Variants in PDGFRL observed in about 807,000 individuals in gnomAD.
The protein encoded by PDGFRL is platelet-derived growth factor receptor-like protein.
Under a neutral mutation model 37.2 loss-of-function variants are expected in PDGFRL, and 46 were observed. The ratio of observed to expected loss-of-function variants is 1.24; its 90% CI spans 0.98 to 1.58. The LOEUF is 1.58. Among genes scored for constraint, PDGFRL ranks in the 40% most tolerant of loss-of-function variants. The probability of loss-of-function intolerance (pLI) is 0.00; values close to 1 mark genes in which losing one functional copy is unlikely to be tolerated. For missense variants in PDGFRL, 692 were observed against 467.6 expected (o/e 1.48, Z -4.43); for synonymous variants, 251 against 184.3 (o/e 1.36, Z -2.93).
At chr8:17,613,126 C>T (rs1804456127) in intron 2 of PDGFRL, among the ~76,000 whole-genome samples, 1 of 152,168 alleles carries the variant, frequency 6.6e-6, no homozygotes, top group Admixed American at 6.5e-5. Flanking sequence ...TTTACGATCA[C>T]TGTCATTGCG....
intron 5 of PDGFRL, among the ~76,000 whole-genome samples, chr8:17,637,223 A>G (rs977000504): frequency 6.6e-6 from 1 of 152,138 alleles, no homozygotes; most frequent in Non-Finnish European, 1.5e-5. Flanking sequence ...CCCATTCAGT[A>G]TAGACAGTTT....
intron 3 of PDGFRL, among the ~76,000 whole-genome samples, chr8:17,625,032 C>T (rs1264988905): frequency 6.6e-6 from 1 of 151,782 alleles, no homozygotes; most frequent in African/African-American, 2.4e-5. Context: ...GGTACATGTG[C>T]ACAATGTGCA....
intron 1 of PDGFRL, among the ~76,000 whole-genome samples, chr8:17,582,053 A>G (rs983839137): frequency 1.3e-4 from 20 of 152,164 alleles, no homozygotes; most frequent in Non-Finnish European, 4.4e-5. Context: ...TTGTGACTAA[A>G]CTGTTGATAG....
intron 5 of PDGFRL, among the ~76,000 whole-genome samples, chr8:17,641,856 T>G (rs1585342041): frequency 6.8e-6 from 1 of 146,936 alleles, no homozygotes; most frequent in East Asian, 2.0e-4. Context: ...ATCAAACGTG[T>G]TGGTCATACT....
intron 2 of PDGFRL, among the ~76,000 whole-genome samples, chr8:17,603,001 G>T (rs563723462): frequency 8.0e-4 from 121 of 152,074 alleles, no homozygotes; most frequent in African/African-American, 2.7e-3. Context: ...ATTTATTTTT[G>T]GAGACAGAGT....
Position 17,615,981 on chromosome 8 carries a change from G to A in PDGFRL, c.354-5070G>A, listed in dbSNP as rs542718001. Among the ~76,000 whole-genome samples, 72 of 152,228 alleles carry A rather than the reference G, an allele frequency of 4.7e-4. 1 individual carries two copies. The highest frequency in any genetic ancestry group is 8.5e-4 in the Admixed American group (13 of 15,290). On this transcript the variant is annotated intron_variant, in intron 2 of 5. Coordinates refer to ENST00000251630, the MANE Select transcript of PDGFRL (RefSeq NM_001372073.1). The stretch of plus-strand genomic sequence containing the variant: ...TGTTCTAAGTCCTGAACTTGTTTAC[G>A]GAGCTTGGCAGCGTGCCTGCACTCA...
At chr8:17,628,439 C>G (rs367843063) in intron 3 of PDGFRL, 48 bp from the exon 4 acceptor site, 8 of 1,506,200 alleles carry the variant, frequency 5.3e-6, no homozygotes, top group South Asian at 1.1e-5. Context: ...GGTGCTTTTA[C>G]TTTGCGTCTC....
chr8:17,623,004 AG>A (rs1231038591), intron 3 of PDGFRL, among the ~76,000 whole-genome samples: 1 of 152,200 alleles, frequency 6.6e-6, no homozygotes, highest in East Asian at 1.9e-4. Flanking sequence ...AGGTTCTCTA[AG>A]GACATTCCCG....
chr8:17,642,345 T>TTTAGA (rs199975719), intron 5 of PDGFRL, among the ~76,000 whole-genome samples: 3,216 of 152,280 alleles, frequency 0.021, 52 homozygotes, highest in Non-Finnish European at 0.033. Context: ...AAGCATACAT[T>TTTAGA]TTAGATTAAG....
chr8:17,594,886 C>T (rs966124217), intron 2 of PDGFRL, among the ~76,000 whole-genome samples: 1 of 152,212 alleles, frequency 6.6e-6, no homozygotes. Context: ...GGCATTTAGG[C>T]TCCTTCCACC....
At chr8:17,590,859 A>C (rs1187505968) in intron 2 of PDGFRL, among the ~76,000 whole-genome samples, 3 of 151,020 alleles carry the variant, frequency 2.0e-5, no homozygotes, top group Non-Finnish European at 4.4e-5. Flanking sequence ...CTACTTTTCA[A>C]CTGCTTCTCA....
chr8:17,586,028 T>G (rs1241007756), intron 1 of PDGFRL, among the ~76,000 whole-genome samples: 3 of 151,968 alleles, frequency 2.0e-5, no homozygotes, highest in African/African-American at 7.3e-5. Context: ...CTCAGCTCAC[T>G]GCAACCTCCG....
chr8:17,609,839 A>C (rs1164408140), intron 2 of PDGFRL, among the ~76,000 whole-genome samples: 1 of 151,988 alleles, frequency 6.6e-6, no homozygotes, highest in Non-Finnish European at 1.5e-5. Context: ...AACTCAAATC[A>C]AGCCATATTC....
At position 17,634,172 on chromosome 8, in the gene PDGFRL, G is replaced by A. The variant is rs372087697; in HGVS notation, c.898G>A (p.Asp300Asn). The A allele has an allele frequency of 3.0e-5, 49 of 1,613,224 alleles. 1 individual carries two copies. The highest frequency in any genetic ancestry group is 1.8e-4 in the South Asian group (16 of 91,030). The change falls in exon 5 of 6, where the codon GAT becomes AAT. Residue 300 changes from aspartate (D) to asparagine (N), a missense_variant. By Grantham distance (23) the Asp-to-Asn change is conservative. Coordinates refer to ENST00000251630, the MANE Select transcript of PDGFRL (RefSeq NM_001372073.1). ...SVLCTVLGEP[D>N]VEVEFTWIFP... is the part of the protein sequence containing the mutation. Reference sequence around the variant, plus strand: ...GCTCTGCACTGTCCTGGGGGAGCCCGATGTGGAGGTGGAGTTCACCTGGAT... The same window carrying A: ...GCTCTGCACTGTCCTGGGGGAGCCCAATGTGGAGGTGGAGTTCACCTGGAT...
rs138926704 is a variant in PDGFRL at position 17,634,214 on chromosome 8, G to T, written c.939+1G>T. The T allele has an allele frequency of 5.0e-4, 808 of 1,608,682 alleles. No homozygotes were observed. Among genetic ancestry groups the T allele is most frequent in the Non-Finnish European group, 6.3e-4 (743 of 1,176,638 alleles). On this transcript the variant is annotated splice_donor_variant, in intron 5 of 5. Transcript: ENST00000251630. LOFTEE classifies it high-confidence loss of function. ...CACCTGGATCTTCCCAGGGCAGAAG[G>T]TAAGTGTTGTACCTGCATCTCAGCC...
intron 3 of PDGFRL, among the ~76,000 whole-genome samples, chr8:17,625,375 C>G (rs548402999): frequency 1.3e-5 from 2 of 152,214 alleles, no homozygotes; most frequent in African/African-American, 4.8e-5. Flanking sequence ...GGGTCTCGGT[C>G]TCCTGACCTC....
intron 2 of PDGFRL, among the ~76,000 whole-genome samples, chr8:17,593,294 T>C (rs1803982114): frequency 6.6e-6 from 1 of 152,066 alleles, no homozygotes; most frequent in African/African-American, 2.4e-5. Context: ...AGGTTTATCC[T>C]CTTAATGATT....
intron 2 of PDGFRL, among the ~76,000 whole-genome samples, chr8:17,611,887 C>A (rs1184140505): frequency 1.3e-5 from 2 of 152,052 alleles, no homozygotes; most frequent in African/African-American, 4.8e-5. Context: ...TGATAGCAGC[C>A]TGGGTGACAG....
At chr8:17,641,898 C>CCCCCCCCCCCCCCCCCCCCT (rs1563534531) in intron 5 of PDGFRL, among the ~76,000 whole-genome samples, 1 of 129,862 alleles carries the variant, frequency 7.7e-6, no homozygotes, top group African/African-American at 3.2e-5. Context: ...AATAGAGGTC[C>CCCCCCCCCCCCCCCCCCCCT]CCGCCACATT....
Sources: gnomAD v4.1 joint callset for allele counts (sites outside exome capture counted in the v4.1 genomes callset) on GRCh38, gnomAD v4.1.1 for gene constraint, MANE v1.5 for transcripts, NCBI Gene and HGNC (gene_info 2026-07-23, HGNC 2026-07-21) for gene names.